Variants in DROSHA observed in about 807,000 individuals in gnomAD.
DROSHA encodes ribonuclease 3.
A neutral mutation model predicts 181.9 loss-of-function variants in DROSHA; 56 were observed. The ratio of observed to expected loss-of-function variants is 0.31; its 90% CI spans 0.25 to 0.38. The LOEUF (loss-of-function observed/expected upper bound fraction) is 0.38. Among genes scored for constraint, DROSHA ranks in the 10% least tolerant of loss-of-function variants. The pLI, the probability that DROSHA is intolerant of heterozygous loss-of-function variation, is 1.00. For synonymous variants in DROSHA, 524 were observed against 591.2 expected (o/e 0.89, Z 1.65); for missense variants, 1,218 against 1,743.5 (o/e 0.70, Z 5.37).
intron 8 of DROSHA, among the ~76,000 whole-genome samples, 197 bp from the exon 9 acceptor site, chr5:31,511,373 C>T (rs1178869828): frequency 1.3e-5 from 2 of 152,146 alleles, no homozygotes; most frequent in African/African-American, 4.8e-5. Context: ...TTATCGCTGA[C>T]ACAGTCTTCA....
At chr5:31,531,752 C>T (rs901274424) in intron 1 of DROSHA, among the ~76,000 whole-genome samples, 2 of 152,110 alleles carry the variant, frequency 1.3e-5, no homozygotes, top group Admixed American at 1.3e-4. Context: ...GCCGGGCGGC[C>T]CCAGGCCTGG....
rs192370765 is a variant in DROSHA, at chr5:31,454,797, G to A, written c.2575-3157C>T. 3.6e-4 allele frequency among the ~76,000 whole-genome samples: 55 copies of A among 151,978 alleles called. 1 individual carries two copies. The East Asian group carries it at 9.1e-3, about 25-fold the overall frequency. On this transcript the variant is annotated intron_variant, in intron 20 of 35. Coordinates refer to ENST00000344624, the MANE Select transcript of DROSHA (RefSeq NM_001382508.1). The stretch of plus-strand genomic sequence containing the variant: ...CTACTAAAAACACAAAAAATTAGCC[G>A]GGTGTGGTGATGGGCGCCTGTAGTC...
chr5:31,465,005 T>C (rs1748844015), intron 19 of DROSHA, among the ~76,000 whole-genome samples: 1 of 146,132 alleles, frequency 6.8e-6, no homozygotes, highest in Non-Finnish European at 1.5e-5. Flanking sequence ...ACAGGCCAAA[T>C]AGCACAAGAG....
intron 35 of DROSHA, among the ~76,000 whole-genome samples, chr5:31,404,308 T>C (rs978618157): frequency 6.6e-6 from 1 of 152,180 alleles, no homozygotes; most frequent in Non-Finnish European, 1.5e-5. Flanking sequence ...TTCACTCTGA[T>C]TGCAAATTTA....
At chr5:31,499,009 G>A (rs1192731583) in intron 11 of DROSHA, among the ~76,000 whole-genome samples, 1 of 152,196 alleles carries the variant, frequency 6.6e-6, no homozygotes, top group Admixed American at 6.5e-5. Context: ...CTGCCTGGCT[G>A]TGGAGGGCAC....
intron 28 of DROSHA, among the ~76,000 whole-genome samples, chr5:31,423,934 AT>A (rs1743111261): frequency 6.6e-6 from 1 of 152,158 alleles, no homozygotes; most frequent in Admixed American, 6.5e-5. Context: ...CACTATACTA[AT>A]TTTTTAATTT....
intron 25 of DROSHA, among the ~76,000 whole-genome samples, chr5:31,433,958 G>T (rs950667193): frequency 1.3e-5 from 2 of 152,212 alleles, no homozygotes; most frequent in Non-Finnish European, 2.9e-5. Flanking sequence ...TCTCAAAGGG[G>T]TCAACAATTC....
chr5:31,456,493 CAG>C (rs1491514576), intron 20 of DROSHA, among the ~76,000 whole-genome samples: 3 of 150,002 alleles, frequency 2.0e-5, no homozygotes, highest in African/African-American at 7.5e-5. Flanking sequence ...CACACACACA[CAG>C]ACACACACAC....
chr5:31,519,732 G>C (rs578172474), intron 6 of DROSHA, among the ~76,000 whole-genome samples: 1 of 152,208 alleles, frequency 6.6e-6, no homozygotes, highest in African/African-American at 2.4e-5. Flanking sequence ...AATATTTCTA[G>C]TTTACTAGTT....
chr5:31,437,347 C>CGGGGGGGGGGGGGGGGGGGGGGGGGGCG, intron 23 of DROSHA, 49 bp from the exon 24 acceptor site: 1 of 1,480,592 alleles, frequency 6.8e-7, no homozygotes, highest in Non-Finnish European at 9.1e-7. Flanking sequence ...TTAACACTCC[C>CGGGGGGGGGGGGGGGGGGGGGGGGGGCG]CCCCACCCAC....
chr5:31,424,501 C>A, intron 27 of DROSHA, 30 bp from the exon 28 acceptor site: 1 of 1,576,186 alleles, frequency 6.3e-7, no homozygotes, highest in Non-Finnish European at 8.6e-7. Context: ...CTTTAATGCT[C>A]AAGGGAGCCA....
At chr5:31,528,961 C>T in intron 4 of DROSHA, 79 bp downstream of exon 4, 1 of 1,568,650 alleles carries the variant, frequency 6.4e-7, no homozygotes, top group East Asian at 2.3e-5. Context: ...AAATCCTTTC[C>T]ACCCTCTATA....
rs184640602 is a variant in DROSHA at position 31,400,891 on chromosome 5, T to A, written c.*541A>T. ...TCTTTCCCCTTCTCCCATTAGCCAA[T>A]TAATTGTTAAACGGATTCCTTCTAC... On this transcript the variant is annotated 3_prime_UTR_variant, in exon 36 of 36. Coordinates refer to ENST00000344624, the MANE Select transcript of DROSHA (RefSeq NM_001382508.1). 2 of 158,140 alleles carry A rather than the reference T, an allele frequency of 1.3e-5. No homozygotes were observed. Among genetic ancestry groups the A allele is most frequent in the African/African-American group, 4.8e-5 (2 of 41,640 alleles). 9.8% of individuals were successfully genotyped at this position (158,140 alleles called of 1,614,324 possible). A position where few individuals can be genotyped will look rare whatever the true frequency, so the allele number is the denominator to read the frequency against.
chr5:31,510,091 A>G (rs1041636824), intron 9 of DROSHA, among the ~76,000 whole-genome samples: 8 of 150,794 alleles, frequency 5.3e-5, no homozygotes, highest in Non-Finnish European at 8.8e-5. Flanking sequence ...GATTAATCCT[A>G]CATAGTGAGA....
chr5:31,459,414 T>TAAAA (rs4050153), intron 20 of DROSHA, among the ~76,000 whole-genome samples: 1 of 130,230 alleles, frequency 7.7e-6, no homozygotes, highest in Non-Finnish European at 1.6e-5. Context: ...TCCCATGTCT[T>TAAAA]AAAAAAAAAA....
In DROSHA at chr5:31,515,114, C is replaced by T. The variant is rs7729936; in HGVS notation, c.1164G>A (p.Lys388=). 4.9e-3 allele frequency: 7,947 copies of T among 1,613,892 alleles called. 343 individuals carry two copies. In the African/African-American group the frequency reaches 0.094, roughly 19 times the overall value. The change falls in exon 8 of 36, where the codon AAG becomes AAA. Residue 388 remains lysine (K), a synonymous_variant. Transcript: ENST00000344624. ...GCATGGTCTCCTCGGGCTCTTTTTC[C>T]TTGATTGAGGTATAGTTCTTGTCTT... The part of the protein sequence containing the change: ...SGKDKNYTSI[K]EKEPEETMPD...
chr5:31,474,205 TAA>T (rs1354135144), intron 16 of DROSHA, among the ~76,000 whole-genome samples: 1 of 152,198 alleles, frequency 6.6e-6, no homozygotes, highest in Non-Finnish European at 1.5e-5. Flanking sequence ...CAACCCACAT[TAA>T]GATATGTTAT....
chr5:31,452,351 C>T (rs1180112543), intron 20 of DROSHA, among the ~76,000 whole-genome samples: 1 of 152,214 alleles, frequency 6.6e-6, no homozygotes, highest in Non-Finnish European at 1.5e-5. Context: ...AATGATCTAA[C>T]ATTCTGAAGA....
intron 11 of DROSHA, among the ~76,000 whole-genome samples, chr5:31,495,940 G>A: frequency 6.6e-6 from 1 of 152,224 alleles, no homozygotes. Flanking sequence ...GGGAGGCCAA[G>A]GAGAGCGATG....
Sources: gnomAD v4.1 joint callset for allele counts (sites outside exome capture counted in the v4.1 genomes callset) on GRCh38, gnomAD v4.1.1 for gene constraint, MANE v1.5 for transcripts, NCBI Gene and HGNC (gene_info 2026-07-23, HGNC 2026-07-21) for gene names.